The following CSMD1 variants were observed in gnomAD, a reference collection of about 807,000 sequenced individuals.
The protein encoded by CSMD1 is CUB and sushi domain-containing protein 1.
In CSMD1, 213 loss-of-function variants were observed where a neutral mutation model predicts 417.5. That is an observed-to-expected ratio of 0.51 (90% CI 0.46 to 0.57). The LOEUF (loss-of-function observed/expected upper bound fraction) is 0.57. Among genes scored for constraint, CSMD1 ranks in the 20% least tolerant of loss-of-function variants. The pLI is 0.00. For missense variants in CSMD1, 6,923 were observed against 4,529.7 expected (o/e 1.53, Z -15.17); for synonymous variants, 2,862 against 1,736.8 (o/e 1.65, Z -16.11).
At chr8:4,582,225 AC>A (rs1293530365) in intron 2 of CSMD1, among the ~76,000 whole-genome samples, 2 of 152,146 alleles carry the variant, frequency 1.3e-5, no homozygotes, top group African/African-American at 2.4e-5. Flanking sequence ...ACTTAGAATT[AC>A]TGTCAATAAT....
At chr8:3,122,625 T>G (rs1817272048) in intron 41 of CSMD1, among the ~76,000 whole-genome samples, 1 of 152,164 alleles carries the variant, frequency 6.6e-6, no homozygotes, top group Non-Finnish European at 1.5e-5. Context: ...ATTCTCGTGA[T>G]AGTGAATGAG....
At chr8:3,490,043 T>C (rs1818280611) in intron 11 of CSMD1, among the ~76,000 whole-genome samples, 1 of 152,232 alleles carries the variant, frequency 6.6e-6, no homozygotes, top group Non-Finnish European at 1.5e-5. Flanking sequence ...TGCATATAAG[T>C]ACTCAAAAGT....
chr8:4,289,562 G>C (rs1797246045), intron 3 of CSMD1, among the ~76,000 whole-genome samples: 2 of 152,150 alleles, frequency 1.3e-5, no homozygotes, highest in South Asian at 2.1e-4. Context: ...CTCCCACTCA[G>C]AATTCATCAC....
Position 3,409,379 on chromosome 8 carries a change from C to G in CSMD1, c.1744+44G>C, listed in dbSNP as rs780524308. The G allele has an allele frequency of 6.1e-6, 9 of 1,484,996 alleles. No homozygotes were observed. In the South Asian group the frequency reaches 1.1e-4, roughly 19 times the overall value. The allele number at this position is 1,484,996 out of a possible 1,614,324, so 92.0% of individuals were successfully genotyped here. Reference sequence around the variant, plus strand: ...TTCTCCTTTTCTCCCCTTGCAAGATCCTTGCAGGACAGGAGGGAGTCCAGG... The same window carrying G: ...TTCTCCTTTTCTCCCCTTGCAAGATGCTTGCAGGACAGGAGGGAGTCCAGG... On this transcript the variant is annotated intron_variant, in intron 13 of 69. Transcript: ENST00000635120.
chr8:3,650,451 G>T (rs1028145386), intron 7 of CSMD1, among the ~76,000 whole-genome samples: 1 of 152,076 alleles, frequency 6.6e-6, no homozygotes, highest in African/African-American at 2.4e-5. Context: ...AAAACTCATC[G>T]AAGAACTCAT....
chr8:3,725,646 T>A (rs1421318837), intron 6 of CSMD1, among the ~76,000 whole-genome samples: 1 of 151,776 alleles, frequency 6.6e-6, no homozygotes, highest in Non-Finnish European at 1.5e-5. Flanking sequence ...AGCAACAGGA[T>A]GGAGTGAGCA....
intron 2 of CSMD1, among the ~76,000 whole-genome samples, chr8:4,599,056 C>T (rs117305468): frequency 0.013 from 2,016 of 152,206 alleles, 12 homozygotes; most frequent in Non-Finnish European, 0.021. Context: ...AAAGAATCCA[C>T]GTAACATGAA....
At chr8:3,447,611 G>A (rs1212383182) in intron 12 of CSMD1, among the ~76,000 whole-genome samples, 1 of 152,180 alleles carries the variant, frequency 6.6e-6, no homozygotes, top group African/African-American at 2.4e-5. Flanking sequence ...CCCTGCACAT[G>A]TGATCATTTG....
intron 49 of CSMD1, among the ~76,000 whole-genome samples, chr8:3,056,499 C>G (rs983542707): frequency 3.4e-5 from 5 of 147,068 alleles, no homozygotes; most frequent in South Asian, 2.1e-4. Context: ...TCCCCAGTAG[C>G]TGGGGACTAC....
intron 3 of CSMD1, among the ~76,000 whole-genome samples, chr8:4,070,402 G>C (rs533240250): frequency 2.6e-5 from 4 of 152,108 alleles, no homozygotes; most frequent in African/African-American, 9.7e-5. Flanking sequence ...GTGTCGCCCA[G>C]GCTGGAGTGC....
chr8:4,044,884 C>T (rs1343748860), intron 3 of CSMD1, among the ~76,000 whole-genome samples: 1 of 152,234 alleles, frequency 6.6e-6, no homozygotes, highest in Non-Finnish European at 1.5e-5. Context: ...TTGCAGCCCT[C>T]AGGCCCAGAC....
rs896426572 is a variant in CSMD1 at position 4,854,588 on chromosome 8, T to C, written c.85+139744A>G. Among the ~76,000 whole-genome samples, 8 of 152,140 alleles carry C rather than the reference T, an allele frequency of 5.3e-5. No individual in the cohort carries two copies. The South Asian group carries it at 6.2e-4, about 12-fold the overall frequency. On this transcript the variant is annotated intron_variant, in intron 1 of 69. Coordinates refer to ENST00000635120, the MANE Select transcript of CSMD1 (RefSeq NM_033225.6). ...GCGTGAGCTGAAGCAGGGCGAGGCA[T>C]TGCCTCACTTGGGAAGCGGAAGGGG...
intron 52 of CSMD1, among the ~76,000 whole-genome samples, chr8:3,014,426 G>A (rs1024291152): frequency 2.6e-5 from 4 of 152,082 alleles, no homozygotes; most frequent in East Asian, 3.9e-4. Flanking sequence ...TTCCTGTTGT[G>A]AGAACAATCA....
At chr8:3,657,715 G>C (rs1463179442) in intron 7 of CSMD1, among the ~76,000 whole-genome samples, 1 of 152,132 alleles carries the variant, frequency 6.6e-6, no homozygotes, top group Non-Finnish European at 1.5e-5. Flanking sequence ...GGCTAGGGGA[G>C]GGGTAGCATT....
intron 1 of CSMD1, among the ~76,000 whole-genome samples, chr8:4,814,180 C>A (rs1203004177): frequency 2.0e-5 from 3 of 151,958 alleles, no homozygotes; most frequent in Non-Finnish European, 4.4e-5. Flanking sequence ...AGGTTTCTTC[C>A]ATCTTCAGAA....
chr8:3,086,630 A>C (rs1814552540), intron 49 of CSMD1, among the ~76,000 whole-genome samples: 1 of 152,110 alleles, frequency 6.6e-6, no homozygotes, highest in Non-Finnish European at 1.5e-5. Context: ...TAAAATGCCA[A>C]AAAAAAGGCA....
At position 3,992,084 on chromosome 8, in the gene CSMD1, G is replaced by A. The variant is rs535174763; in HGVS notation, c.818+5819C>T. ...TAATTATATCCCTACACCTTCAGCTGGTATGCAGAGTATCAAGAAAAGGAG... is the reference window on the plus strand; with the variant it reads ...TAATTATATCCCTACACCTTCAGCTAGTATGCAGAGTATCAAGAAAAGGAG... On this transcript the variant is annotated intron_variant, in intron 5 of 69. Coordinates refer to ENST00000635120, the MANE Select transcript of CSMD1 (RefSeq NM_033225.6). 2.6e-4 allele frequency among the ~76,000 whole-genome samples: 37 copies of A among 144,856 alleles called. 1 individual carries two copies. The East Asian group carries it at 6.6e-3, about 26-fold the overall frequency.
intron 1 of CSMD1, among the ~76,000 whole-genome samples, chr8:4,714,655 A>G (rs1166063217): frequency 1.3e-5 from 2 of 152,112 alleles, no homozygotes; most frequent in Admixed American, 1.3e-4. Context: ...CCAGAAAGAC[A>G]TACTTGTCTT....
chr8:3,454,331 A>G (rs1563054260), intron 12 of CSMD1, among the ~76,000 whole-genome samples: 1 of 152,146 alleles, frequency 6.6e-6, no homozygotes, highest in Non-Finnish European at 1.5e-5. Context: ...TAATATTGTT[A>G]TGTGTGAATT....
Sources: gnomAD v4.1 joint callset for allele counts (sites outside exome capture counted in the v4.1 genomes callset) on GRCh38, gnomAD v4.1.1 for gene constraint, MANE v1.5 for transcripts, NCBI Gene and HGNC (gene_info 2026-07-23, HGNC 2026-07-21) for gene names.